STARD13: variants seen among roughly 807,000 people sequenced by gnomAD.
STARD13 encodes StAR related lipid transfer domain containing 13.
A neutral mutation model predicts 106.4 loss-of-function variants in STARD13; 62 were observed. That is an observed-to-expected ratio of 0.58 (90% CI 0.48 to 0.72). STARD13 has a LOEUF of 0.72. Ranked by LOEUF, STARD13 falls within the 30% of genes least tolerant of loss-of-function variation. The probability of loss-of-function intolerance (pLI) is 0.00; values close to 1 mark genes in which losing one functional copy is unlikely to be tolerated. For missense variants in STARD13, 1,387 were observed against 1,424.0 expected (o/e 0.97, Z 0.42); for synonymous variants, 565 against 553.0 (o/e 1.02, Z -0.31).
intron 1 of STARD13, among the ~76,000 whole-genome samples, chr13:33,194,149 C>T (rs1295471472): frequency 1.3e-5 from 2 of 152,148 alleles, no homozygotes; most frequent in Non-Finnish European, 2.9e-5. Context: ...TTGCCTCAAT[C>T]TGGACTTAGA....
intron 1 of STARD13, among the ~76,000 whole-genome samples, chr13:33,176,382 C>T (rs946526892): frequency 9.2e-5 from 14 of 152,072 alleles, no homozygotes; most frequent in African/African-American, 1.7e-4. Context: ...ACGTAGGCAA[C>T]AGCATTGGCA....
At chr13:33,198,392 T>A (rs1367911206) in intron 1 of STARD13, among the ~76,000 whole-genome samples, 1 of 152,060 alleles carries the variant, frequency 6.6e-6, no homozygotes, top group Non-Finnish European at 1.5e-5. Flanking sequence ...CTTGGCCCTA[T>A]CTGTCTCCTC....
the STARD13 span, among the ~76,000 whole-genome samples, chr13:33,590,656 A>G: frequency 1.5e-5 from 2 of 133,834 alleles, no homozygotes; most frequent in African/African-American, 5.6e-5. Flanking sequence ...CAATGAGAAC[A>G]CTTGGGCACA....
chr13:33,232,111 G>A (rs902463645), intron 1 of STARD13, among the ~76,000 whole-genome samples: 8 of 152,226 alleles, frequency 5.3e-5, no homozygotes, highest in Admixed American at 2.0e-4. Flanking sequence ...TCAGGAGTTC[G>A]AGGCCAGCCT....
the STARD13 span, among the ~76,000 whole-genome samples, chr13:33,500,213 A>G: frequency 6.6e-6 from 1 of 152,210 alleles, no homozygotes; most frequent in African/African-American, 2.4e-5. Context: ...TCAGTCCATA[A>G]CAATGGATTG....
chr13:33,463,509 C>G, the STARD13 span, among the ~76,000 whole-genome samples: 1 of 152,180 alleles, frequency 6.6e-6, no homozygotes, highest in Admixed American at 6.5e-5. Flanking sequence ...CCTGTCCCTA[C>G]TTTAGCTAGT....
At chr13:33,654,415 G>A in the STARD13 span, among the ~76,000 whole-genome samples, 6 of 152,242 alleles carry the variant, frequency 3.9e-5, no homozygotes, top group African/African-American at 1.4e-4. Flanking sequence ...GTGCAAAATA[G>A]GCAAATCTAT....
intron 13 of STARD13, 128 bp downstream of exon 13, chr13:33,106,630 A>G: frequency 2.5e-6 from 2 of 813,024 alleles, no homozygotes; most frequent in Non-Finnish European, 3.7e-6. Flanking sequence ...CACCTATGAA[A>G]GCACACTAAT....
At chr13:33,162,262 C>T (rs2043961691) in intron 3 of STARD13, among the ~76,000 whole-genome samples, 1 of 152,230 alleles carries the variant, frequency 6.6e-6, no homozygotes, top group Admixed American at 6.5e-5. Context: ...AGGCTGCAAA[C>T]AGATAAGGAC....
the STARD13 span, among the ~76,000 whole-genome samples, chr13:33,485,503 C>G: frequency 6.6e-6 from 1 of 151,930 alleles, no homozygotes; most frequent in Non-Finnish European, 1.5e-5. Context: ...TAAAGAAGAA[C>G]AACATAGATT....
At chr13:33,667,209 A>G in the STARD13 span, among the ~76,000 whole-genome samples, 2 of 152,252 alleles carry the variant, frequency 1.3e-5, no homozygotes, top group Non-Finnish European at 2.9e-5. Flanking sequence ...CAGCGATGAT[A>G]TGGAAAGGAG....
intron 7 of STARD13, among the ~76,000 whole-genome samples, chr13:33,120,091 C>T (rs1192429188): frequency 6.6e-6 from 1 of 152,196 alleles, no homozygotes; most frequent in Non-Finnish European, 1.5e-5. Flanking sequence ...AATCGAGATG[C>T]CCTGAAGGTA....
chr13:33,356,414 C>G, the STARD13 span, among the ~76,000 whole-genome samples: 1 of 152,188 alleles, frequency 6.6e-6, no homozygotes, highest in African/African-American at 2.4e-5. Context: ...ATGAACACAT[C>G]ATCTGAAGAG....
At chr13:33,443,843 T>G in the STARD13 span, among the ~76,000 whole-genome samples, 12 of 145,408 alleles carry the variant, frequency 8.3e-5, no homozygotes, top group African/African-American at 3.1e-4. Context: ...GAGCCGAGAT[T>G]GTGCCACTGC....
chr13:33,550,382 C>T, the STARD13 span, among the ~76,000 whole-genome samples: 1 of 152,170 alleles, frequency 6.6e-6, no homozygotes, highest in Non-Finnish European at 1.5e-5. Context: ...TTAGCACATC[C>T]CAGAACAGTT....
chr13:33,662,405 T>G, the STARD13 span, among the ~76,000 whole-genome samples: 294 of 152,332 alleles, frequency 1.9e-3, 2 homozygotes, highest in African/African-American at 6.7e-3. Context: ...AAGTAAAAAT[T>G]TGCTTTGTTT....
chr13:33,627,233 A>G, the STARD13 span, among the ~76,000 whole-genome samples: 1 of 152,234 alleles, frequency 6.6e-6, no homozygotes, highest in Non-Finnish European at 1.5e-5. Flanking sequence ...ACATTATGTA[A>G]GTAGTTACTA....
intron 3 of STARD13, among the ~76,000 whole-genome samples, chr13:33,161,149 A>G (rs1882578028): frequency 6.6e-6 from 1 of 152,220 alleles, no homozygotes; most frequent in Non-Finnish European, 1.5e-5. Flanking sequence ...AACAAGTGAA[A>G]GAAGCCATAC....
chr13:33,547,106 A>G, the STARD13 span, among the ~76,000 whole-genome samples: 1 of 152,198 alleles, frequency 6.6e-6, no homozygotes, highest in Non-Finnish European at 1.5e-5. Flanking sequence ...TTCCCAGTAG[A>G]TGTTTTTCAG....
Sources: allele counts gnomAD v4.1 joint callset (sites outside exome capture counted in the v4.1 genomes callset), GRCh38; gene constraint gnomAD v4.1.1; transcripts MANE v1.5; gene names NCBI Gene and HGNC (gene_info 2026-07-23, HGNC 2026-07-21).